Variants in MB21D2 observed in about 807,000 individuals in gnomAD.
MB21D2 encodes Mab-21 domain containing 2, also known as nucleotidyltransferase MB21D2.
Under a neutral mutation model 33.3 loss-of-function variants are expected in MB21D2, and 9 were observed. The observed-to-expected ratio is 0.27, with a 90% CI of 0.16 to 0.47. The LOEUF is 0.47. Ranked by LOEUF, MB21D2 falls within the 20% of genes least tolerant of loss-of-function variation. The pLI is 0.99. For missense variants in MB21D2, 540 were observed against 624.6 expected, an observed-to-expected ratio of 0.86 and a Z score of 1.44; for synonymous variants, 241 against 236.3, an observed-to-expected ratio of 1.02 and a Z score of -0.18.
At chr3:192,909,166 G>A (rs1714278512) in intron 1 of MB21D2, among the ~76,000 whole-genome samples, 1 of 151,630 alleles carries the variant, frequency 6.6e-6, no homozygotes, top group South Asian at 2.1e-4. Flanking sequence ...TGAGGCAGGA[G>A]AATGGTGTGA....
chr3:192,828,594 A>T (rs1199695899), intron 1 of MB21D2, among the ~76,000 whole-genome samples: 32 of 1,670 alleles, frequency 0.019, no homozygotes, highest in East Asian at 0.1. Context: ...CCCCCCCCAT[A>T]TATATATATA....
At chr3:192,838,913 G>A (rs1052648222) in intron 1 of MB21D2, among the ~76,000 whole-genome samples, 4 of 152,144 alleles carry the variant, frequency 2.6e-5, no homozygotes, top group Non-Finnish European at 1.5e-5. Flanking sequence ...TCAAACTAGT[G>A]AATGCCCATT....
At chr3:192,888,783 CCT>C (rs760678462) in intron 1 of MB21D2, among the ~76,000 whole-genome samples, 5 of 152,114 alleles carry the variant, frequency 3.3e-5, no homozygotes, top group Non-Finnish European at 7.3e-5. Context: ...AAATCCCTCC[CCT>C]CTTTGCAAGT....
At chr3:192,840,266 T>A (rs905320616) in intron 1 of MB21D2, among the ~76,000 whole-genome samples, 1 of 152,066 alleles carries the variant, frequency 6.6e-6, no homozygotes, top group African/African-American at 2.4e-5. Flanking sequence ...ATAACTGAAA[T>A]TAGAAACATA....
chr3:192,798,672 G>A lies in MB21D2; in HGVS notation c.1190C>T (p.Ala397Val). The A allele has an allele frequency of 4.3e-6, 7 of 1,613,392 alleles. No individual in the cohort carries two copies. The highest frequency in any genetic ancestry group is 5.1e-6 in the Non-Finnish European group (6 of 1,180,040). The change falls in exon 2 of 2, where the codon GCC becomes GTC. Residue 397 changes from alanine to valine, a missense_variant. By Grantham distance (64) the Ala-to-Val change is moderately conservative. Transcript: ENST00000392452. The surrounding 1 kb of genome is among the most constrained non-coding windows in gnomAD (Gnocchi z 4.8). The stretch of plus-strand genomic sequence containing the variant: ...TGAGCGCACAGAGGACAGCTTCCGG[G>A]CGTGAAGCATGACTGTCTCCTCAGA... Reference protein sequence around the residue: ...HLSEETVMLHARKLSSVRSDP... With the variant: ...HLSEETVMLHVRKLSSVRSDP...
chr3:192,835,028 T>G (rs1051914665), intron 1 of MB21D2, among the ~76,000 whole-genome samples: 22 of 150,626 alleles, frequency 1.5e-4, no homozygotes, highest in Admixed American at 6.6e-4. Context: ...CAGGATGGTC[T>G]CAATCTCTTG....
At chr3:192,861,665 G>A (rs1053225250) in intron 1 of MB21D2, among the ~76,000 whole-genome samples, 13 of 152,126 alleles carry the variant, frequency 8.5e-5, no homozygotes, top group Admixed American at 3.9e-4. Context: ...TTAGCCGGGC[G>A]TGGTGGCGCA....
Position 192,880,629 on chromosome 3 carries a change from C to T in MB21D2, c.211+37001G>A, listed in dbSNP as rs533924473. ...TAGGGCGAGCAGCTGTCGGAGGGGA[C>T]GGACTCTCAAGGAGCTGACAGCTAG... is the stretch of plus-strand genomic sequence containing the variant. On this transcript the variant is annotated intron_variant, in intron 1 of 1. Transcript: ENST00000392452. Among the ~76,000 whole-genome samples, 42 of 152,112 alleles carry T rather than the reference C, an allele frequency of 2.8e-4. 1 individual carries two copies. Among genetic ancestry groups the T allele is most frequent in the African/African-American group, 7.5e-4 (31 of 41,418 alleles).
intron 1 of MB21D2, among the ~76,000 whole-genome samples, chr3:192,809,464 T>C (rs924713127): frequency 3.9e-5 from 6 of 152,196 alleles, no homozygotes; most frequent in Non-Finnish European, 8.8e-5. Context: ...ATGGCCATGA[T>C]AGCTGACCTG....
chr3:192,903,354 G>A (rs1714143160), intron 1 of MB21D2, among the ~76,000 whole-genome samples: 1 of 152,202 alleles, frequency 6.6e-6, no homozygotes, highest in African/African-American at 2.4e-5. Context: ...ATAAAACGGA[G>A]GAGGGAGGAA....
intron 1 of MB21D2, among the ~76,000 whole-genome samples, chr3:192,869,891 G>A (rs1014298654): frequency 2.0e-5 from 3 of 152,130 alleles, no homozygotes; most frequent in African/African-American, 7.2e-5. Flanking sequence ...TCAAACAGCA[G>A]GAAATAAGGG....
chr3:192,913,603 CACTTGAGGCCAGGA>C (rs1443082227), intron 1 of MB21D2, among the ~76,000 whole-genome samples: 3 of 149,572 alleles, frequency 2.0e-5, no homozygotes, highest in Non-Finnish European at 4.5e-5. Context: ...CCAGAAGGAT[CACTTGAGGCCAGGA>C]TTTTGAGACC....
At chr3:192,873,808 T>C (rs954902622) in intron 1 of MB21D2, among the ~76,000 whole-genome samples, 16 of 152,154 alleles carry the variant, frequency 1.1e-4, no homozygotes, top group African/African-American at 3.1e-4. Context: ...GTTCAAGCAA[T>C]TCTCCTGCCT....
chr3:192,851,556 A>G (rs1164428846), intron 1 of MB21D2, among the ~76,000 whole-genome samples: 3 of 127,388 alleles, frequency 2.4e-5, no homozygotes, highest in African/African-American at 9.2e-5. Context: ...GTGCAGTGCC[A>G]CGATCTTGGC....
At chr3:192,805,587 T>C (rs1032355662) in intron 1 of MB21D2, among the ~76,000 whole-genome samples, 9 of 152,308 alleles carry the variant, frequency 5.9e-5, no homozygotes, top group African/African-American at 1.9e-4. Flanking sequence ...TTTCTTAGTA[T>C]TTCCCCATTT....
At chr3:192,822,454 T>C (rs1038497677) in intron 1 of MB21D2, among the ~76,000 whole-genome samples, 3 of 140,540 alleles carry the variant, frequency 2.1e-5, no homozygotes, top group Non-Finnish European at 4.7e-5. Context: ...CTCCCACCCC[T>C]TTTGGATATC....
intron 1 of MB21D2, among the ~76,000 whole-genome samples, chr3:192,895,748 T>C (rs1464130057): frequency 6.6e-6 from 1 of 152,214 alleles, no homozygotes; most frequent in Admixed American, 6.5e-5. Context: ...TGTTTGTTTT[T>C]TTGAGACCAG....
chr3:192,917,527 G>A (rs1484644779), intron 1 of MB21D2, 103 bp downstream of exon 1: 13 of 1,275,192 alleles, frequency 1.0e-5, no homozygotes, highest in Non-Finnish European at 1.3e-5. Flanking sequence ...GGCTCGGGAA[G>A]GCAACCCAGA....
chr3:192,853,018 ATCTC>A (rs982907193), intron 1 of MB21D2, among the ~76,000 whole-genome samples: 2 of 132,668 alleles, frequency 1.5e-5, no homozygotes, highest in South Asian at 3.3e-4. Flanking sequence ...GTTTTCAGTT[ATCTC>A]TCTCTGTCTC....
Sources: allele counts gnomAD v4.1 joint callset (sites outside exome capture counted in the v4.1 genomes callset), GRCh38; gene constraint gnomAD v4.1.1; non-coding constraint Gnocchi (gnomAD v3.1); transcripts MANE v1.5; gene names NCBI Gene and HGNC (gene_info 2026-07-23, HGNC 2026-07-21).